The following HDAC8 variants were observed in gnomAD, a reference collection of about 807,000 sequenced individuals.
The protein encoded by HDAC8 is histone deacetylase 8, also known as histone deacetylase-like 1.
Under a neutral mutation model 32.2 loss-of-function variants are expected in HDAC8, and 1 was observed. The observed-to-expected ratio is 0.03, with a 90% CI of 0.01 to 0.15. The LOEUF is 0.15. Among genes scored for constraint, HDAC8 ranks in the 10% least tolerant of loss-of-function variants. The pLI is 1.00. For synonymous variants in HDAC8, 108 were observed against 113.9 expected (o/e 0.95, Z 0.33); for missense variants, 117 against 300.0 (o/e 0.39, Z 4.51).
chrX:72,458,466 C>G (rs1169963697), intron 9 of HDAC8, among the ~76,000 whole-genome samples: 1 of 112,375 alleles, frequency 8.9e-6, no homozygotes, highest in African/African-American at 3.2e-5. Flanking sequence ...ATGGATACAC[C>G]TGTTTCCTAT....
intron 10 of HDAC8, among the ~76,000 whole-genome samples, chrX:72,336,711 C>G (rs1014416059): frequency 9.0e-6 from 1 of 111,189 alleles, no homozygotes; most frequent in East Asian, 2.8e-4. Context: ...AGCCACCACA[C>G]CCCCAAAATG....
At chrX:72,441,127 T>C (rs1173092908) in intron 9 of HDAC8, among the ~76,000 whole-genome samples, 2 of 112,895 alleles carry the variant, frequency 1.8e-5, no homozygotes, top group African/African-American at 3.2e-5. Flanking sequence ...AACAAAAAGA[T>C]AGCAGTAACC....
At chrX:72,356,772 G>A (rs1335616479) in intron 9 of HDAC8, among the ~76,000 whole-genome samples, 4 of 111,488 alleles carry the variant, frequency 3.6e-5, no homozygotes, top group African/African-American at 9.8e-5. Flanking sequence ...TAGAGACGGG[G>A]TTTCACCATG....
intron 9 of HDAC8, among the ~76,000 whole-genome samples, chrX:72,444,303 C>A (rs1262894543): frequency 9.2e-6 from 1 of 108,678 alleles, no homozygotes; most frequent in Non-Finnish European, 1.9e-5. Flanking sequence ...TACCGGCAAA[C>A]CGAATCCAGC....
intron 9 of HDAC8, among the ~76,000 whole-genome samples, chrX:72,418,842 C>T (rs2046413768): frequency 9.0e-6 from 1 of 111,298 alleles, no homozygotes; most frequent in African/African-American, 3.3e-5. Context: ...CAACTTAATT[C>T]TTTTGCATGT....
At chrX:72,558,047 T>C (rs1556100945) in intron 4 of HDAC8, among the ~76,000 whole-genome samples, 1 of 111,577 alleles carries the variant, frequency 9.0e-6, no homozygotes, top group African/African-American at 3.3e-5. Flanking sequence ...ATAAAGCATC[T>C]CTGAACAGAC....
chrX:72,441,240 G>A lies in HDAC8; in HGVS notation c.1005+20764C>T, dbSNP rs2047132657. ...AACAGGCAGACTGCCTCCTCAAGTG[G>A]GTCCCTGACCCCTGACACCCGAGCA... On this transcript the variant is annotated intron_variant, in intron 9 of 10. Transcript: ENST00000373573. Among the ~76,000 whole-genome samples the A allele has an allele frequency of 2.7e-5, 3 of 112,824 alleles. No individual in the cohort carries two copies. In the Admixed American group the frequency reaches 2.8e-4, roughly 10 times the overall value.
At chrX:72,553,345 A>C (rs1432376934) in intron 4 of HDAC8, among the ~76,000 whole-genome samples, 1 of 111,735 alleles carries the variant, frequency 8.9e-6, no homozygotes, top group African/African-American at 3.3e-5. Flanking sequence ...CGCCTGGCCA[A>C]TAGCCACCAT....
intron 4 of HDAC8, among the ~76,000 whole-genome samples, chrX:72,510,090 T>C (rs999751307): frequency 8.9e-6 from 1 of 111,795 alleles, no homozygotes; most frequent in African/African-American, 3.3e-5. Context: ...TAAATGGGTA[T>C]TAAAAGTCCT....
chrX:72,493,447 G>A (rs1226132571), intron 5 of HDAC8, among the ~76,000 whole-genome samples: 1 of 111,304 alleles, frequency 9.0e-6, no homozygotes, highest in African/African-American at 3.3e-5. Context: ...TGAATATCTG[G>A]TGGATATGGC....
chrX:72,379,340 T>C (rs1416738749), intron 9 of HDAC8, among the ~76,000 whole-genome samples: 1 of 111,339 alleles, frequency 9.0e-6, no homozygotes, highest in Non-Finnish European at 1.9e-5. Context: ...TTTTTTCCTA[T>C]GTATTCACCT....
intron 9 of HDAC8, among the ~76,000 whole-genome samples, chrX:72,452,628 A>C (rs1363247827): frequency 8.9e-6 from 1 of 112,016 alleles, no homozygotes; most frequent in Non-Finnish European, 1.9e-5. Context: ...AAGGCTAGTC[A>C]AGACCTACTC....
intron 9 of HDAC8, among the ~76,000 whole-genome samples, chrX:72,449,309 C>T (rs1434157871): frequency 1.8e-5 from 2 of 111,286 alleles, no homozygotes; most frequent in African/African-American, 6.5e-5. Flanking sequence ...AACCATCATT[C>T]TCAGAAAACT....
chrX:72,440,357 C>T (rs782389967), intron 9 of HDAC8, among the ~76,000 whole-genome samples: 1 of 111,415 alleles, frequency 9.0e-6, no homozygotes, highest in East Asian at 2.8e-4. Flanking sequence ...CACTAAGTGC[C>T]CACAACAGAA....
At chrX:72,501,997 CG>C (rs782372726) in intron 4 of HDAC8, among the ~76,000 whole-genome samples, 10 of 111,738 alleles carry the variant, frequency 8.9e-5, no homozygotes, top group Non-Finnish European at 1.5e-4. Flanking sequence ...GACATACATG[CG>C]GCCAACAAGC....
intron 2 of HDAC8, among the ~76,000 whole-genome samples, chrX:72,571,450 T>A (rs1337941397): frequency 9.0e-6 from 1 of 110,522 alleles, no homozygotes; most frequent in African/African-American, 3.3e-5. Flanking sequence ...ACCCCTGGGA[T>A]ACTTAACCAA....
chrX:72,382,783 G>A (rs2045301512), intron 9 of HDAC8, among the ~76,000 whole-genome samples: 1 of 111,275 alleles, frequency 9.0e-6, no homozygotes, highest in African/African-American at 3.3e-5. Flanking sequence ...TTTTAGGGGG[G>A]ATAATAACAT....
At chrX:72,339,392 A>G (rs1167305603) in intron 10 of HDAC8, among the ~76,000 whole-genome samples, 1 of 112,470 alleles carries the variant, frequency 8.9e-6, no homozygotes, top group African/African-American at 3.2e-5. Flanking sequence ...AGGCAAACAC[A>G]TTATAGTCCA....
At chrX:72,523,056 C>T (rs189123090) in intron 4 of HDAC8, among the ~76,000 whole-genome samples, 1 of 111,860 alleles carries the variant, frequency 8.9e-6, no homozygotes, top group East Asian at 2.8e-4. Context: ...AATGCTAGGA[C>T]CAATGTCATT....
Sources: allele counts gnomAD v4.1 joint callset (sites outside exome capture counted in the v4.1 genomes callset), GRCh38; gene constraint gnomAD v4.1.1; transcripts MANE v1.5; gene names NCBI Gene and HGNC (gene_info 2026-07-23, HGNC 2026-07-21).